The following HMGCLL1 variants were observed in gnomAD, a reference collection of about 807,000 sequenced individuals.
The protein encoded by HMGCLL1 is 3-hydroxy-3-methylglutaryl-CoA lyase like 1.
Under a neutral mutation model 39.1 loss-of-function variants are expected in HMGCLL1, and 36 were observed. The ratio of observed to expected loss-of-function variants is 0.92; its 90% CI spans 0.71 to 1.22. HMGCLL1 has a LOEUF of 1.22. Among genes scored for constraint, HMGCLL1 ranks in the 50% most tolerant of loss-of-function variants. The probability of loss-of-function intolerance (pLI) is 0.00; values close to 1 mark genes in which losing one functional copy is unlikely to be tolerated. For synonymous variants in HMGCLL1, 149 were observed against 144.0 expected (o/e 1.03, Z -0.25); for missense variants, 451 against 416.5 (o/e 1.08, Z -0.72).
At chr6:55,486,772 T>C (rs1176154503) in intron 7 of HMGCLL1, among the ~76,000 whole-genome samples, 1 of 152,096 alleles carries the variant, frequency 6.6e-6, no homozygotes, top group Non-Finnish European at 1.5e-5. Flanking sequence ...TATAACAAAG[T>C]ACCATAAGCA....
At chr6:55,580,723 A>C (rs1288342235), upstream of HMGCLL1, among the ~76,000 whole-genome samples, 1 of 152,070 alleles carries the variant, frequency 6.6e-6, no homozygotes, top group Non-Finnish European at 1.5e-5. Context: ...CCGGATGTTT[A>C]ACCTGGAGAA....
the HMGCLL1 span, among the ~76,000 whole-genome samples, chr6:55,604,330 T>C: frequency 6.6e-6 from 1 of 152,320 alleles, no homozygotes; most frequent in African/African-American, 2.4e-5. Flanking sequence ...CATAGTTATT[T>C]TGAAACAAAA....
At chr6:55,665,129 G>A in the HMGCLL1 span, among the ~76,000 whole-genome samples, 1 of 151,690 alleles carries the variant, frequency 6.6e-6, no homozygotes, top group Non-Finnish European at 1.5e-5. Context: ...TCCCTGCTTA[G>A]AATTTGCCTA....
intron 7 of HMGCLL1, among the ~76,000 whole-genome samples, chr6:55,480,651 G>A (rs1765692664): frequency 6.6e-6 from 1 of 151,596 alleles, no homozygotes; most frequent in Admixed American, 6.6e-5. Flanking sequence ...CAAAATAAAG[G>A]AAATTAGTAT....
chr6:55,669,128 AAAG>A, the HMGCLL1 span, among the ~76,000 whole-genome samples: 1 of 151,812 alleles, frequency 6.6e-6, no homozygotes, highest in African/African-American at 2.4e-5. Context: ...AAAAAAAAAA[AAAG>A]AAATGTTTTA....
At chr6:55,501,009 C>A (rs1001183673) in intron 5 of HMGCLL1, among the ~76,000 whole-genome samples, 1 of 151,916 alleles carries the variant, frequency 6.6e-6, no homozygotes, top group Non-Finnish European at 1.5e-5. Context: ...TTGGCCACAG[C>A]TACCACTTTA....
chr6:55,516,711 T>TTAA (rs1767760467), intron 3 of HMGCLL1, 108 bp from the exon 4 acceptor site: 6 of 585,870 alleles, frequency 1.0e-5, no homozygotes, highest in Admixed American at 5.6e-5. Context: ...AGTCTTTAAA[T>TTAA]TAATATCTGA....
chr6:55,616,633 T>A, the HMGCLL1 span, among the ~76,000 whole-genome samples: 1 of 152,216 alleles, frequency 6.6e-6, no homozygotes, highest in Non-Finnish European at 1.5e-5. Flanking sequence ...GATCGAATAT[T>A]GAACATAAAA....
At position 55,485,214 on chromosome 6, in the gene HMGCLL1, C is replaced by T. The variant is rs185355704; in HGVS notation, c.795+10205G>A. On this transcript the variant is annotated intron_variant, in intron 7 of 8. Coordinates refer to ENST00000274901, the MANE Select transcript of HMGCLL1 (RefSeq NM_001042406.2). ...CCCCTTTCACCACCCCTCCAAATTT[C>T]CCATCTTCTGTATCTTACTGCACTT... Among the ~76,000 whole-genome samples the T allele has an allele frequency of 2.0e-5, 3 of 152,232 alleles. No homozygotes were observed. In the East Asian group the frequency reaches 5.8e-4, roughly 29 times the overall value.
At chr6:55,642,485 G>C in the HMGCLL1 span, among the ~76,000 whole-genome samples, 5 of 151,862 alleles carry the variant, frequency 3.3e-5, no homozygotes, top group Non-Finnish European at 7.4e-5. Context: ...GGTATGTATA[G>C]GCATATATAT....
At chr6:55,525,354 T>G (rs576029458) in intron 3 of HMGCLL1, among the ~76,000 whole-genome samples, 3 of 151,998 alleles carry the variant, frequency 2.0e-5, no homozygotes, top group Non-Finnish European at 4.4e-5. Context: ...GATATGAAAT[T>G]AGGTCCCTTC....
At chr6:55,646,014 A>G in the HMGCLL1 span, among the ~76,000 whole-genome samples, 3 of 151,908 alleles carry the variant, frequency 2.0e-5, no homozygotes, top group Admixed American at 6.6e-5. Context: ...CAGCAAAGCC[A>G]TCAGTTTCTG....
the HMGCLL1 span, among the ~76,000 whole-genome samples, chr6:55,646,552 A>AAC: frequency 1.3e-5 from 2 of 151,742 alleles, no homozygotes; most frequent in African/African-American, 4.8e-5. Context: ...CCCTCTTAGT[A>AAC]CTGCTTTTGC....
At chr6:55,518,528 A>G (rs1767867663) in intron 3 of HMGCLL1, among the ~76,000 whole-genome samples, 1 of 152,122 alleles carries the variant, frequency 6.6e-6, no homozygotes, top group Non-Finnish European at 1.5e-5. Context: ...AACTATTAGA[A>G]TGTAGTGGAA....
At chr6:55,486,336 T>C (rs2127417016) in intron 7 of HMGCLL1, among the ~76,000 whole-genome samples, 1 of 152,014 alleles carries the variant, frequency 6.6e-6, no homozygotes, top group South Asian at 2.1e-4. Context: ...AAAATATAGG[T>C]TTCATAGTAC....
intron 1 of HMGCLL1, among the ~76,000 whole-genome samples, chr6:55,569,099 T>C (rs1267100703): frequency 6.6e-6 from 1 of 152,166 alleles, no homozygotes; most frequent in Non-Finnish European, 1.5e-5. Flanking sequence ...ACAGAAAGTA[T>C]TGAAGATTGA....
the HMGCLL1 span, among the ~76,000 whole-genome samples, chr6:55,590,172 C>T: frequency 6.6e-6 from 1 of 152,030 alleles, no homozygotes; most frequent in Non-Finnish European, 1.5e-5. Context: ...GCTACAGTAA[C>T]CAAAACAGCA....
At chr6:55,627,490 A>C in the HMGCLL1 span, among the ~76,000 whole-genome samples, 1 of 151,936 alleles carries the variant, frequency 6.6e-6, no homozygotes, top group Non-Finnish European at 1.5e-5. Flanking sequence ...CACATTGACA[A>C]GGGGTGGACT....
At chr6:55,477,891 T>C (rs1323183933) in intron 7 of HMGCLL1, among the ~76,000 whole-genome samples, 1 of 151,098 alleles carries the variant, frequency 6.6e-6, no homozygotes, top group Non-Finnish European at 1.5e-5. Context: ...TGTTCTTATA[T>C]GATTTTGGAA....
Sources: allele counts gnomAD v4.1 joint callset (sites outside exome capture counted in the v4.1 genomes callset), GRCh38; gene constraint gnomAD v4.1.1; transcripts MANE v1.5; gene names NCBI Gene and HGNC (gene_info 2026-07-23, HGNC 2026-07-21).